Variants in STIP1 observed in about 807,000 individuals in gnomAD.
STIP1 encodes the protein stress-induced-phosphoprotein 1.
STIP1 carries 16 observed loss-of-function variants against 77.4 expected under a neutral mutation model. That is an observed-to-expected ratio of 0.21 (90% CI 0.14 to 0.31). The LOEUF (loss-of-function observed/expected upper bound fraction) is 0.31. STIP1 is among the 10% of genes least tolerant of loss of function. STIP1 has a pLI of 1.00. For missense variants in STIP1, 524 were observed against 684.8 expected (o/e 0.77, Z 2.62); for synonymous variants, 258 against 246.6 (o/e 1.05, Z -0.44).
chr11:64,200,503 G>A (rs1946205742), intron 10 of STIP1, among the ~76,000 whole-genome samples: 1 of 151,712 alleles, frequency 6.6e-6, no homozygotes, highest in African/African-American at 2.4e-5. Flanking sequence ...GTAGAGTTGG[G>A]GTCTTGCTGT....
In STIP1 at chr11:64,186,285, G is replaced by A. The variant is rs926856761; in HGVS notation, c.9+15G>A. On this transcript the variant is annotated intron_variant, in intron 1 of 13. Coordinates refer to ENST00000305218, the MANE Select transcript of STIP1 (RefSeq NM_006819.3). ...CTATGGAGCAGGTGAAGGGGGAGGG[G>A]CGGGCTGAGGCCCCGAGCCTGCTCG... The A allele has an allele frequency of 9.1e-6, 14 of 1,545,846 alleles. No individual in the cohort carries two copies. Among genetic ancestry groups the A allele is most frequent in the Non-Finnish European group, 1.2e-5 (14 of 1,145,384 alleles).
chr11:64,199,859 G>A (rs549500364), intron 8 of STIP1, 81 bp from the exon 9 acceptor site: 227 of 1,541,880 alleles, frequency 1.5e-4, no homozygotes, highest in Non-Finnish European at 1.6e-4. Context: ...CACCGCGCCC[G>A]GCCCCTAATG....
In STIP1 at chr11:64,199,885, A is replaced by G. The variant is rs1946196687; in HGVS notation, c.1024-55A>G. The stretch of plus-strand genomic sequence containing the variant: ...GCCCCTAATGTGATTTTTAAGCCCA[A>G]TATTTAGATGATTATGAGCGTTTAA... On this transcript the variant is annotated intron_variant, in intron 8 of 13. Coordinates refer to ENST00000305218, the MANE Select transcript of STIP1 (RefSeq NM_006819.3). The G allele has an allele frequency of 3.1e-6, 5 of 1,602,644 alleles. No homozygotes were observed. The African/African-American group carries it at 4.0e-5, about 13-fold the overall frequency.
chr11:64,191,269 C>A (rs1176604215), intron 1 of STIP1, among the ~76,000 whole-genome samples: 1 of 151,320 alleles, frequency 6.6e-6, no homozygotes, highest in Non-Finnish European at 1.5e-5. Flanking sequence ...GTGATCATGC[C>A]ACTGCACTCC....
At chr11:64,198,314 G>T (rs1946173950) in intron 8 of STIP1, among the ~76,000 whole-genome samples, 1 of 152,050 alleles carries the variant, frequency 6.6e-6, no homozygotes. Context: ...CCAGGTTCAA[G>T]CAATTCTCCT....
chr11:64,204,161 G>A lies in STIP1; in HGVS notation c.*35G>A, dbSNP rs993943179. ...CATCCCCCCTTCCCTTCGCCCTCAT[G>A]TGGAAAGAGGAGCTGGGACCGCGGC... On this transcript the variant is annotated 3_prime_UTR_variant, in exon 14 of 14. Coordinates refer to ENST00000305218, the MANE Select transcript of STIP1 (RefSeq NM_006819.3). 4 of 1,612,182 alleles carry A rather than the reference G, an allele frequency of 2.5e-6. No homozygotes were observed. In the African/African-American group the frequency reaches 5.3e-5, roughly 22 times the overall value.
intron 1 of STIP1, among the ~76,000 whole-genome samples, chr11:64,191,370 G>A (rs1457817053): frequency 6.6e-6 from 1 of 152,064 alleles, no homozygotes; most frequent in Non-Finnish European, 1.5e-5. Flanking sequence ...CACTTTGGGA[G>A]GCTGAGATGG....
chr11:64,193,095 G>C lies in STIP1; in HGVS notation c.27G>C (p.Glu9Asp). 1 of 1,614,226 alleles carries C rather than the reference G, an allele frequency of 6.2e-7. No individual in the cohort carries two copies. The highest frequency in any genetic ancestry group is 1.7e-5 in the Admixed American group (1 of 60,028). Residue 9 changes from glutamate (E) to aspartate (D), a missense_variant, in exon 2 of 14, where the codon GAG (glutamate) becomes GAC (aspartate). Transcript: ENST00000305218. MEQVNELK[E>D]KGNKALSVGN... ...CCCCTCAGGTCAATGAGCTGAAGGA[G>C]AAAGGCAACAAGGCCCTGAGCGTGG...
chr11:64,188,552 A>AT (rs761228978), intron 1 of STIP1, among the ~76,000 whole-genome samples: 1 of 151,948 alleles, frequency 6.6e-6, no homozygotes, highest in Non-Finnish European at 1.5e-5. Flanking sequence ...TAATTTTAAC[A>AT]TTTTTTGTAG....
At chr11:64,197,017 C>G in intron 5 of STIP1, 1 of 466,886 alleles carries the variant, frequency 2.1e-6, no homozygotes, top group South Asian at 2.5e-5. Flanking sequence ...CCTAAAGAAG[C>G]GCTCTGCTTC....
intron 10 of STIP1, among the ~76,000 whole-genome samples, chr11:64,201,019 G>A (rs1484846420): frequency 1.4e-5 from 2 of 143,830 alleles, no homozygotes; most frequent in Non-Finnish European, 3.0e-5. Context: ...GAACCACCAC[G>A]CTTGGCCCCC....
chr11:64,195,082 T>C (rs1412261450), intron 4 of STIP1, among the ~76,000 whole-genome samples: 1 of 152,198 alleles, frequency 6.6e-6, no homozygotes, highest in Non-Finnish European at 1.5e-5. Context: ...AGGAATAAAC[T>C]TGACCTCTGT....
chr11:64,186,238 C>T lies in STIP1; in HGVS notation c.-24C>T, dbSNP rs1457998366. 1 of 1,425,072 alleles carries T rather than the reference C, an allele frequency of 7.0e-7. No homozygotes were observed. Among genetic ancestry groups the T allele is most frequent in the Non-Finnish European group, 9.4e-7 (1 of 1,068,434 alleles). The allele number at this position is 1,425,072 out of a possible 1,614,324, so 88.3% of individuals were successfully genotyped here. A position where few individuals can be genotyped will look rare whatever the true frequency, so the allele number is the denominator to read the frequency against. On this transcript the variant is annotated 5_prime_UTR_variant, in exon 1 of 14. The change creates a new upstream start codon in the 5' untranslated region. Coordinates refer to ENST00000305218, the MANE Select transcript of STIP1 (RefSeq NM_006819.3). ...CGCGGAGCGGACGGATTCGATTCAACGGGGTTCCGGACCGCGCTGCGCTAT... is the reference window on the plus strand; with the variant it reads ...CGCGGAGCGGACGGATTCGATTCAATGGGGTTCCGGACCGCGCTGCGCTAT...
At chr11:64,188,343 CAA>C (rs35340432) in intron 1 of STIP1, among the ~76,000 whole-genome samples, 49 of 100,514 alleles carry the variant, frequency 4.9e-4, no homozygotes, top group Admixed American at 7.6e-4. Flanking sequence ...GACTCCATCT[CAA>C]AAAAAAAAAA....
intron 5 of STIP1, 173 bp downstream of exon 5, chr11:64,195,986 C>T (rs888825961): frequency 1.2e-6 from 1 of 828,692 alleles, no homozygotes; most frequent in Non-Finnish European, 1.9e-6. Flanking sequence ...AAGCGATGCT[C>T]CTGCTTCAGC....
intron 1 of STIP1, among the ~76,000 whole-genome samples, chr11:64,190,491 T>G (rs925470128): frequency 2.0e-5 from 3 of 152,054 alleles, no homozygotes; most frequent in Non-Finnish European, 1.5e-5. Flanking sequence ...ATTTTTGTAT[T>G]TGTAGTAGAG....
chr11:64,195,962 G>GA (rs1946145811), intron 5 of STIP1, 149 bp downstream of exon 5: 5 of 1,141,668 alleles, frequency 4.4e-6, no homozygotes, highest in Non-Finnish European at 6.2e-6. Flanking sequence ...GGTTGGTCTT[G>GA]AACTTCTGGC....
chr11:64,202,659 C>A (rs752244689), intron 10 of STIP1: 3 of 588,856 alleles, frequency 5.1e-6, no homozygotes, highest in Non-Finnish European at 9.1e-6. Flanking sequence ...CTGGAATTGT[C>A]CCCCGCTATG....
chr11:64,185,589 C>T, upstream of STIP1: 1 of 569,090 alleles, frequency 1.8e-6, no homozygotes, highest in African/African-American at 1.9e-5. Context: ...GTGCCGCTGG[C>T]GATCCCGGGG....
Sources: allele counts gnomAD v4.1 joint callset (sites outside exome capture counted in the v4.1 genomes callset), GRCh38; gene constraint gnomAD v4.1.1; transcripts MANE v1.5; gene names NCBI Gene and HGNC (gene_info 2026-07-23, HGNC 2026-07-21).